The following KLHL3 variants were observed in gnomAD, a reference collection of about 807,000 sequenced individuals.
KLHL3 encodes the protein kelch-like protein 3.
KLHL3 carries 19 observed loss-of-function variants against 70.5 expected under a neutral mutation model. The ratio of observed to expected loss-of-function variants is 0.27; its 90% confidence interval spans 0.19 to 0.40. The LOEUF (loss-of-function observed/expected upper bound fraction) is 0.40. Among genes scored for constraint, KLHL3 ranks in the 10% least tolerant of loss-of-function variants. The pLI is 1.00. For missense variants in KLHL3, 512 were observed against 771.1 expected, an observed-to-expected ratio of 0.66 and a Z score of 3.98; for synonymous variants, 258 against 290.3, an observed-to-expected ratio of 0.89 and a Z score of 1.13.
intron 3 of KLHL3, 85 bp from the exon 4 acceptor site, chr5:137,698,493 GA>G: frequency 6.5e-7 from 1 of 1,531,066 alleles, no homozygotes; most frequent in Non-Finnish European, 8.9e-7. Context: ...CCCTGTCTTG[GA>G]AACATAAAAG....
chr5:137,668,882 T>A (rs2149902067), intron 6 of KLHL3, among the ~76,000 whole-genome samples: 1 of 152,290 alleles, frequency 6.6e-6, no homozygotes, highest in Non-Finnish European at 1.5e-5. Flanking sequence ...TTTAGAATGT[T>A]TTTTAGCGAG....
At chr5:137,670,984 A>AC (rs1265204757) in intron 6 of KLHL3, among the ~76,000 whole-genome samples, 149 of 151,564 alleles carry the variant, frequency 9.8e-4, no homozygotes, top group African/African-American at 3.4e-3. Flanking sequence ...AAAAAAAAAA[A>AC]AACAACAACA....
intron 3 of KLHL3, among the ~76,000 whole-genome samples, chr5:137,708,870 C>G (rs368923586): frequency 6.6e-6 from 1 of 152,106 alleles, no homozygotes; most frequent in Non-Finnish European, 1.5e-5. Context: ...GGGTGACAGT[C>G]GCCATACTCA....
chr5:137,636,510 C>T (rs776260002), intron 11 of KLHL3, among the ~76,000 whole-genome samples: 1 of 152,200 alleles, frequency 6.6e-6, no homozygotes, highest in African/African-American at 2.4e-5. Context: ...GAACTCCTAC[C>T]TACTGGCATT....
chr5:137,645,210 C>A (rs1178558889), intron 8 of KLHL3, among the ~76,000 whole-genome samples: 1 of 152,124 alleles, frequency 6.6e-6, no homozygotes, highest in African/African-American at 2.4e-5. Context: ...TAACATCATA[C>A]TAGAAAGGGG....
At chr5:137,641,075 T>A (rs1005402434) in intron 8 of KLHL3, among the ~76,000 whole-genome samples, 1 of 152,224 alleles carries the variant, frequency 6.6e-6, no homozygotes, top group East Asian at 1.9e-4. Context: ...TTTGGTCACA[T>A]GTTATTAATA....
intron 6 of KLHL3, among the ~76,000 whole-genome samples, chr5:137,674,675 T>C (rs541622044): frequency 2.0e-5 from 3 of 152,204 alleles, no homozygotes; most frequent in Admixed American, 6.5e-5. Context: ...ACCAACCCAG[T>C]TGGGTTTTCT....
At chr5:137,721,555 A>G (rs1023244867) in intron 1 of KLHL3, among the ~76,000 whole-genome samples, 4 of 152,264 alleles carry the variant, frequency 2.6e-5, no homozygotes, top group Non-Finnish European at 5.9e-5. Context: ...ACAAAGGATT[A>G]TAAGTATTAT....
rs147202533 is a variant in KLHL3 at position 137,731,449 on chromosome 5, A to G, written c.14+4184T>C. 4.4e-3 allele frequency among the ~76,000 whole-genome samples: 670 copies of G among 152,318 alleles called. 9 individuals are homozygous for G. The South Asian group carries it at 0.044, about 10-fold the overall frequency. On this transcript the variant is annotated intron_variant, in intron 1 of 14. Transcript: ENST00000309755. ...TTGCTCTTCCCTGGGTCTTGCCAGC[A>G]TTCAACCTGACATTACAAAACTCAA...
intron 2 of KLHL3, among the ~76,000 whole-genome samples, chr5:137,713,747 T>C (rs747100953): frequency 2.0e-5 from 3 of 152,168 alleles, no homozygotes; most frequent in Non-Finnish European, 4.4e-5. Context: ...AGACAATCCA[T>C]AGAATGAGAA....
intron 6 of KLHL3, among the ~76,000 whole-genome samples, chr5:137,667,097 C>A (rs2149901043): frequency 6.6e-6 from 1 of 152,318 alleles, no homozygotes; most frequent in Admixed American, 6.5e-5. Context: ...CCAAATCCAG[C>A]CTGCCACCTG....
At chr5:137,732,578 C>T (rs745705337) in intron 1 of KLHL3, among the ~76,000 whole-genome samples, 7 of 151,922 alleles carry the variant, frequency 4.6e-5, no homozygotes, top group Non-Finnish European at 8.8e-5. Context: ...AGCAAGATGA[C>T]GGCCTGATAA....
intron 2 of KLHL3, among the ~76,000 whole-genome samples, chr5:137,711,604 A>T (rs1278698730): frequency 6.6e-6 from 1 of 152,180 alleles, no homozygotes; most frequent in Non-Finnish European, 1.5e-5. Context: ...TGGACAGCAG[A>T]CCTTAATCAC....
intron 12 of KLHL3, among the ~76,000 whole-genome samples, chr5:137,631,084 AAAAAAAG>A (rs1241340994): frequency 2.6e-5 from 4 of 151,238 alleles, no homozygotes; most frequent in South Asian, 2.1e-4. Flanking sequence ...AAAAAAAAAA[AAAAAAAG>A]AGAGAGAGAG....
intron 6 of KLHL3, among the ~76,000 whole-genome samples, chr5:137,666,121 G>A (rs1219465142): frequency 6.6e-6 from 1 of 152,106 alleles, no homozygotes; most frequent in Admixed American, 6.5e-5. Context: ...TGTCTTATTT[G>A]CTGGCACATA....
chr5:137,694,651 G>A (rs945396524), intron 4 of KLHL3, among the ~76,000 whole-genome samples: 1 of 152,134 alleles, frequency 6.6e-6, no homozygotes, highest in Non-Finnish European at 1.5e-5. Flanking sequence ...ACACCCCCTG[G>A]CCAGTATCAG....
intron 6 of KLHL3, among the ~76,000 whole-genome samples, chr5:137,668,416 AAC>A (rs1751667777): frequency 6.6e-6 from 1 of 152,032 alleles, no homozygotes. Flanking sequence ...TCTCAAAACA[AAC>A]AAACAAAAAA....
chr5:137,634,681 G>A (rs1170732715), intron 11 of KLHL3, among the ~76,000 whole-genome samples: 3 of 152,224 alleles, frequency 2.0e-5, no homozygotes, highest in Non-Finnish European at 4.4e-5. Flanking sequence ...TTGGCAGGTA[G>A]AGTGTGTGAA....
In KLHL3 at chr5:137,698,356, C is replaced by A. The variant is rs1487897444; in HGVS notation, c.294G>T (p.Gly98=). The change falls in exon 4 of 15, where the codon GGG becomes GGT. Residue 98 remains glycine (G), a synonymous_variant. Coordinates refer to ENST00000309755, the MANE Select transcript of KLHL3 (RefSeq NM_017415.3). ...AGTCAATCAGCTTACTCAGCGTCTG[C>A]CCATCCACGTCCTTGATTTCTATCT... is the stretch of plus-strand genomic sequence containing the variant. ...AKKIEIKDVD[G]QTLSKLIDYI... 1.2e-6 allele frequency: 2 copies of A among 1,614,168 alleles called. No individual in the cohort carries two copies. The highest frequency in any genetic ancestry group is 1.1e-5 in the South Asian group (1 of 91,082).
Sources: gnomAD v4.1 joint callset for allele counts (sites outside exome capture counted in the v4.1 genomes callset) on GRCh38, gnomAD v4.1.1 for gene constraint, MANE v1.5 for transcripts, NCBI Gene and HGNC (gene_info 2026-07-23, HGNC 2026-07-21) for gene names.